Variants in MYZAP observed in about 807,000 individuals in gnomAD.
MYZAP encodes myocardial zonula adherens protein, also known as GRINL1A complex locus upstream.
In MYZAP, 66 loss-of-function variants were observed where a neutral mutation model predicts 69.4. The observed-to-expected ratio is 0.95, with a 90% CI of 0.78 to 1.17. The LOEUF is 1.17. MYZAP is among the 50% of genes most tolerant of loss of function. The pLI is 0.00. For synonymous variants in MYZAP, 256 were observed against 205.9 expected (o/e 1.24, Z -2.09); for missense variants, 611 against 556.2 (o/e 1.10, Z -0.99).
intron 8 of MYZAP, 76 bp downstream of exon 8, chr15:57,633,817 C>A: frequency 7.4e-7 from 1 of 1,355,354 alleles, no homozygotes; most frequent in South Asian, 2.5e-5. Flanking sequence ...ACGAGAGGCC[C>A]TGGATATGGA....
At chr15:57,630,866 G>C (rs73424705) in intron 6 of MYZAP, among the ~76,000 whole-genome samples, 2,315 of 152,334 alleles carry the variant, frequency 0.015, 56 homozygotes, top group African/African-American at 0.05. Context: ...GAATATGTGA[G>C]GGAGTGAAAG....
chr15:57,610,999 A>G (rs1257082340), intron 2 of MYZAP, among the ~76,000 whole-genome samples: 1 of 152,304 alleles, frequency 6.6e-6, no homozygotes, highest in East Asian at 1.9e-4. Context: ...GGACGGACAG[A>G]CAGACTCATT....
At chr15:57,632,290 T>C in intron 6 of MYZAP, 144 bp from the exon 7 acceptor site, 1 of 1,345,882 alleles carries the variant, frequency 7.4e-7, no homozygotes. Context: ...CCTTTCCCTG[T>C]TAGGTCTTGC....
intron 10 of MYZAP, chr15:57,647,819 C>T (rs2037519259): frequency 2.0e-6 from 2 of 985,318 alleles, no homozygotes; most frequent in Admixed American, 6.1e-5. Context: ...CCTCAGCCTG[C>T]TCTTGTCTGC....
chr15:57,663,392 A>G (rs905452150), intron 11 of MYZAP, among the ~76,000 whole-genome samples: 1 of 152,182 alleles, frequency 6.6e-6, no homozygotes, highest in African/African-American at 2.4e-5. Flanking sequence ...TGGAGTCCAG[A>G]TAGTTTATCT....
intron 10 of MYZAP, among the ~76,000 whole-genome samples, chr15:57,651,782 T>G (rs571135271): frequency 6.6e-6 from 1 of 152,320 alleles, no homozygotes; most frequent in South Asian, 2.1e-4. Flanking sequence ...TGCATGCTCC[T>G]CCTTTCTTCC....
At chr15:57,609,135 A>G (rs1235402769) in intron 2 of MYZAP, among the ~76,000 whole-genome samples, 1 of 152,246 alleles carries the variant, frequency 6.6e-6, no homozygotes, top group Non-Finnish European at 1.5e-5. Flanking sequence ...ACACACACAC[A>G]GAGAAATGAG....
chr15:57,634,334 G>A (rs1264857934), intron 8 of MYZAP, among the ~76,000 whole-genome samples: 2 of 152,114 alleles, frequency 1.3e-5, no homozygotes, highest in African/African-American at 2.4e-5. Context: ...AGGAAGAGAA[G>A]GAAGAGAAAG....
At position 57,618,174 on chromosome 15, in the gene MYZAP, A is replaced by G; in HGVS notation, c.304A>G (p.Asn102Asp). ...WSTSQLKEEM[N>D]YIKDVRATLE... ...CACCAGTCAGCTGAAAGAAGAGATG[A>G]ACTACATCAAAGATGTGAGCCATTT... The change falls in exon 3 of 13, where the codon AAC (asparagine) becomes GAC (aspartate). Residue 102 changes from asparagine (N) to aspartate (D), a missense_variant. By Grantham distance (23) the Asn-to-Asp change is conservative. Coordinates refer to ENST00000267853, the MANE Select transcript of MYZAP (RefSeq NM_001018100.5). 4 of 1,613,876 alleles carry G rather than the reference A, an allele frequency of 2.5e-6. No individual in the cohort carries two copies. The highest frequency in any genetic ancestry group is 2.5e-6 in the Non-Finnish European group (3 of 1,179,940).
intron 11 of MYZAP, among the ~76,000 whole-genome samples, chr15:57,672,050 C>T (rs1187626509): frequency 6.6e-6 from 1 of 152,190 alleles, no homozygotes; most frequent in Non-Finnish European, 1.5e-5. Context: ...GATGGCAGAT[C>T]TCAGTTCAGT....
chr15:57,647,341 C>A (rs560769390), intron 10 of MYZAP: 2 of 985,414 alleles, frequency 2.0e-6, no homozygotes, highest in Admixed American at 6.1e-5. Flanking sequence ...ACTAGGGAGA[C>A]AGAGGCAGAT....
At chr15:57,637,103 T>A (rs1005267418) in intron 8 of MYZAP, among the ~76,000 whole-genome samples, 6 of 152,164 alleles carry the variant, frequency 3.9e-5, no homozygotes, top group Non-Finnish European at 8.8e-5. Context: ...TCCTCCTCCT[T>A]AGAAGGGCCC....
intron 2 of MYZAP, among the ~76,000 whole-genome samples, chr15:57,617,446 A>G (rs1219506229): frequency 6.6e-6 from 1 of 152,176 alleles, no homozygotes; most frequent in Non-Finnish European, 1.5e-5. Context: ...AGAACCAGCC[A>G]ACAGGACTGG....
At chr15:57,665,576 G>T (rs1168787476) in intron 11 of MYZAP, among the ~76,000 whole-genome samples, 1 of 152,210 alleles carries the variant, frequency 6.6e-6, no homozygotes, top group East Asian at 1.9e-4. Context: ...AGTTAGTCCA[G>T]TTCCTAGCTG....
At chr15:57,643,789 T>C (rs1324124214) in intron 10 of MYZAP, among the ~76,000 whole-genome samples, 2 of 152,154 alleles carry the variant, frequency 1.3e-5, no homozygotes, top group Admixed American at 6.5e-5. Flanking sequence ...TAGGCATCCT[T>C]TCATTTTGTC....
At chr15:57,670,318 G>T (rs1328437812) in intron 11 of MYZAP, among the ~76,000 whole-genome samples, 1 of 151,876 alleles carries the variant, frequency 6.6e-6, no homozygotes, top group African/African-American at 2.4e-5. Context: ...ATGATGAATT[G>T]ATCTTTACAA....
Position 57,637,749 on chromosome 15 carries a change from G to T in MYZAP, c.988G>T (p.Glu330Ter). ...AGAACATGAAACAGAAATGTCTGGG[G>T]AGTTAACTGATTCTGACAAGGAAAG... The part of the protein sequence containing the change: ...LLEHETEMSG[E>*]LTDSDKERYQ... Residue 330 changes from glutamate to a stop codon, truncating the protein, a stop_gained, in exon 9 of 13, where the codon GAG (glutamate) becomes TAG (stop). Coordinates refer to ENST00000267853, the MANE Select transcript of MYZAP (RefSeq NM_001018100.5). LOFTEE classifies it high-confidence loss of function. 5.6e-6 allele frequency: 9 copies of T among 1,612,282 alleles called. No individual in the cohort carries two copies. The highest frequency in any genetic ancestry group is 7.6e-6 in the Non-Finnish European group (9 of 1,179,140).
At chr15:57,681,104 T>G (rs2039415445) in intron 12 of MYZAP, among the ~76,000 whole-genome samples, 1 of 152,230 alleles carries the variant, frequency 6.6e-6, no homozygotes, top group African/African-American at 2.4e-5. Flanking sequence ...AAGGTTCACC[T>G]TTATAAATAT....
intron 12 of MYZAP, among the ~76,000 whole-genome samples, chr15:57,683,795 C>T (rs1567247086): frequency 2.0e-5 from 3 of 151,826 alleles, no homozygotes; most frequent in Non-Finnish European, 4.4e-5. Context: ...ATTTCTGGGG[C>T]CTCTCTTTTT....
Sources: gnomAD v4.1 joint callset for allele counts (sites outside exome capture counted in the v4.1 genomes callset) on GRCh38, gnomAD v4.1.1 for gene constraint, MANE v1.5 for transcripts, NCBI Gene and HGNC (gene_info 2026-07-23, HGNC 2026-07-21) for gene names.